SULT1C2: variants seen among roughly 807,000 people sequenced by gnomAD.
SULT1C2 encodes sulfotransferase 1C2.
SULT1C2 carries 27 observed loss-of-function variants against 36.0 expected under a neutral mutation model. The observed-to-expected ratio is 0.75, with a 90% CI of 0.55 to 1.03. The LOEUF (loss-of-function observed/expected upper bound fraction) is 1.03, where lower values mean the gene tolerates loss of function less well. SULT1C2 is among the 50% of genes least tolerant of loss of function. SULT1C2 has a pLI of 0.00. For missense variants in SULT1C2, 395 were observed against 359.2 expected, an observed-to-expected ratio of 1.10 and a Z score of -0.80; for synonymous variants, 121 against 116.0, an observed-to-expected ratio of 1.04 and a Z score of -0.27.
chr2:108,291,064 T>A lies in SULT1C2; in HGVS notation c.-22+1994T>A, dbSNP rs182562287. On this transcript the variant is annotated intron_variant, in intron 1 of 7. Coordinates refer to ENST00000251481, the MANE Select transcript of SULT1C2 (RefSeq NM_001056.4). ...CAGGGCTGCGTTCCCTTCTGGAGGG[T>A]CTGAAGAAGAATCCCTTCCAAGCTC... 2.4e-3 allele frequency among the ~76,000 whole-genome samples: 364 copies of A among 152,214 alleles called. 2 individuals are homozygous for A. The highest frequency in any genetic ancestry group is 8.4e-3 in the African/African-American group (347 of 41,542).
intron 4 of SULT1C2, chr2:108,303,758 A>C (rs2104422360): frequency 6.6e-6 from 1 of 152,340 alleles, no homozygotes; most frequent in South Asian, 2.1e-4. Flanking sequence ...GTTGAACAGC[A>C]TACTTGGCCC....
rs1046394802 is a variant in SULT1C2 at position 108,308,687 on chromosome 2, G to T, written c.*223G>T. The T allele has an allele frequency of 3.2e-5, 15 of 473,740 alleles. No individual in the cohort carries two copies. The highest frequency in any genetic ancestry group is 3.0e-4 in the African/African-American group (15 of 50,500). The allele number at this position is 473,740 out of a possible 1,614,324, so 29.3% of individuals were successfully genotyped here. A position where few individuals can be genotyped will look rare whatever the true frequency, so the allele number is the denominator to read the frequency against. ...TATTCTTTCCAAAGTAAGATATAAG[G>T]TAGCTTAATAAACTAAGTAAAACGT... On this transcript the variant is annotated 3_prime_UTR_variant, in exon 8 of 8. Transcript: ENST00000251481.
Position 108,294,364 on chromosome 2 carries a change from C to T in SULT1C2, c.277+10C>T. ...CCACCCCAACCTTCTGGTGAGAGCA[C>T]CTCCCTCTTTCTCTCTTCCTGCTTT... On this transcript the variant is annotated intron_variant, in intron 3 of 7. Coordinates refer to ENST00000251481, the MANE Select transcript of SULT1C2 (RefSeq NM_001056.4). The T allele has an allele frequency of 6.3e-7, 1 of 1,578,196 alleles. No homozygotes were observed. The highest frequency in any genetic ancestry group is 8.6e-7 in the Non-Finnish European group (1 of 1,159,036).
At chr2:108,304,484 A>G in intron 4 of SULT1C2, 90 bp from the exon 5 acceptor site, 1 of 1,459,224 alleles carries the variant, frequency 6.9e-7, no homozygotes, top group Non-Finnish European at 9.2e-7. Flanking sequence ...CAGAGTGCAC[A>G]GCAACCCTCA....
chr2:108,293,706 G>A lies in SULT1C2; in HGVS notation c.39G>A (p.Leu13=), dbSNP rs1676652902. 1 of 1,613,954 alleles carries A rather than the reference G, an allele frequency of 6.2e-7. No individual in the cohort carries two copies. Among genetic ancestry groups the A allele is most frequent in the Non-Finnish European group, 8.5e-7 (1 of 1,179,998 alleles). Residue 13 remains leucine (L), a synonymous_variant, in exon 2 of 8, where the codon CTG becomes CTA. Coordinates refer to ENST00000251481, the MANE Select transcript of SULT1C2 (RefSeq NM_001056.4). ...LTSDLGKQIK[L]KEVEGTLLQP... is the part of the protein sequence containing the mutation. Reference sequence around the variant, plus strand: ...CAGACCTGGGGAAACAGATAAAACTGAAAGAGGTGGAGGGGACCCTCCTGC... The same window carrying A: ...CAGACCTGGGGAAACAGATAAAACTAAAAGAGGTGGAGGGGACCCTCCTGC...
At chr2:108,296,146 T>C (rs1034262375) in intron 3 of SULT1C2, among the ~76,000 whole-genome samples, 1 of 152,184 alleles carries the variant, frequency 6.6e-6, no homozygotes, top group Non-Finnish European at 1.5e-5. Context: ...CCCAGTGTCT[T>C]ACCTCTGGCA....
In SULT1C2 at chr2:108,304,554, C is replaced by T. The variant is rs17036089; in HGVS notation, c.376-20C>T. 44,518 of 1,587,676 alleles carry T rather than the reference C, an allele frequency of 0.028. 745 individuals are homozygous for T. The highest frequency in any genetic ancestry group is 0.033 in the South Asian group (2,808 of 86,124). ...CACTTTTTATACCATCTTTTACCCA[C>T]CTCTTTTCTTACCCCAAAGTTCCTT... On this transcript the variant is annotated intron_variant, in intron 4 of 7. Coordinates refer to ENST00000251481, the MANE Select transcript of SULT1C2 (RefSeq NM_001056.4).
At chr2:108,293,864 C>G (rs754244834) in intron 2 of SULT1C2, 46 bp downstream of exon 2, 3 of 1,588,546 alleles carry the variant, frequency 1.9e-6, no homozygotes, top group Middle Eastern at 2.0e-4. Flanking sequence ...TGAGCCAGCA[C>G]AGGCTCATCA....
At chr2:108,289,239 T>C (rs1228569080) in intron 1 of SULT1C2, among the ~76,000 whole-genome samples, 169 bp downstream of exon 1, 4 of 152,172 alleles carry the variant, frequency 2.6e-5, no homozygotes, top group African/African-American at 9.7e-5. Flanking sequence ...AGCCTAAAAA[T>C]TCAGACCTAG....
intron 1 of SULT1C2, among the ~76,000 whole-genome samples, chr2:108,292,526 G>T (rs1232929696): frequency 6.6e-6 from 1 of 151,602 alleles, no homozygotes; most frequent in African/African-American, 2.4e-5. Flanking sequence ...GACATTAGGG[G>T]AATGCAAATC....
At chr2:108,296,801 T>C (rs1342939474) in intron 3 of SULT1C2, among the ~76,000 whole-genome samples, 1 of 152,188 alleles carries the variant, frequency 6.6e-6, no homozygotes, top group Admixed American at 6.5e-5. Flanking sequence ...GTGAGGAGCA[T>C]CACTGGGAGG....
chr2:108,297,850 G>A (rs1222808620), intron 3 of SULT1C2, among the ~76,000 whole-genome samples: 2 of 152,180 alleles, frequency 1.3e-5, no homozygotes, highest in African/African-American at 4.8e-5. Context: ...GCTGGACTGA[G>A]CCCACCAACA....
At chr2:108,295,828 C>G (rs889834224) in intron 3 of SULT1C2, among the ~76,000 whole-genome samples, 10 of 152,212 alleles carry the variant, frequency 6.6e-5, no homozygotes, top group African/African-American at 2.4e-4. Flanking sequence ...GAGGCTAGCT[C>G]TGTCACCCAG....
intron 3 of SULT1C2, among the ~76,000 whole-genome samples, chr2:108,296,844 G>T (rs527512427): frequency 1.3e-5 from 2 of 152,148 alleles, no homozygotes; most frequent in Admixed American, 1.3e-4. Flanking sequence ...CATGGCTGTC[G>T]GCCAAAGGTC....
chr2:108,296,132 G>A (rs753148534), intron 3 of SULT1C2, among the ~76,000 whole-genome samples: 5 of 152,166 alleles, frequency 3.3e-5, no homozygotes, highest in Non-Finnish European at 5.9e-5. Flanking sequence ...TGCCCCTGCC[G>A]CTGCCCAGTG....
intron 1 of SULT1C2, among the ~76,000 whole-genome samples, chr2:108,289,819 C>G (rs1251709384): frequency 6.6e-6 from 1 of 152,170 alleles, no homozygotes; most frequent in Admixed American, 6.5e-5. Context: ...CACTGCACTA[C>G]CCAGCTGCCT....
chr2:108,298,668 C>T (rs139001275), intron 3 of SULT1C2: 15 of 392,088 alleles, frequency 3.8e-5, no homozygotes, highest in Admixed American at 6.6e-5. Flanking sequence ...AGACGTGAGC[C>T]ACTGCCCCTG....
intron 7 of SULT1C2, 180 bp downstream of exon 7, chr2:108,305,775 T>A: frequency 1.3e-6 from 1 of 787,182 alleles, no homozygotes; most frequent in Non-Finnish European, 2.0e-6. Flanking sequence ...AGGGTATTGT[T>A]CCAGTATTTG....
Position 108,305,498 on chromosome 2 carries a change from G to T in SULT1C2, c.681G>T (p.Glu227Asp). The T allele has an allele frequency of 6.2e-7, 1 of 1,614,140 alleles. No homozygotes were observed. The change falls in exon 7 of 8, where the codon GAG (glutamate) becomes GAT (aspartate). Residue 227 changes from glutamate (E) to aspartate (D), a missense_variant. Physicochemically the swap from Glu to Asp is conservative, Grantham distance 45 (BLOSUM62 2). Coordinates refer to ENST00000251481, the MANE Select transcript of SULT1C2 (RefSeq NM_001056.4). ...CAGTGCTAGATAAAATTGTCCAGGA[G>T]ACGTCATTTGAGAAAATGAAAGAAA... is the stretch of plus-strand genomic sequence containing the variant. ...DETVLDKIVQETSFEKMKENP... is the reference protein window; with the variant it reads ...DETVLDKIVQDTSFEKMKENP...
Sources: gnomAD v4.1 joint callset for allele counts (sites outside exome capture counted in the v4.1 genomes callset) on GRCh38, gnomAD v4.1.1 for gene constraint, MANE v1.5 for transcripts, NCBI Gene and HGNC (gene_info 2026-07-23, HGNC 2026-07-21) for gene names.